The following BRWD1 variants were observed in gnomAD, a reference collection of about 807,000 sequenced individuals.
The protein encoded by BRWD1 is bromodomain and WD repeat domain containing 1, also known as bromodomain and WD repeat-containing protein 1.
In BRWD1, 82 loss-of-function variants were observed where a neutral mutation model predicts 251.2. The ratio of observed to expected loss-of-function variants is 0.33; its 90% CI spans 0.27 to 0.39. BRWD1 has a LOEUF of 0.39. Ranked by LOEUF, BRWD1 falls within the 10% of genes least tolerant of loss-of-function variation. The probability of loss-of-function intolerance (pLI) is 1.00; values close to 1 mark genes in which losing one functional copy is unlikely to be tolerated. For missense variants in BRWD1, 2,233 were observed against 2,711.6 expected (o/e 0.82, Z 3.92); for synonymous variants, 918 against 902.8 (o/e 1.02, Z -0.30).
At chr21:39,245,644 G>C (rs972730187) in intron 21 of BRWD1, among the ~76,000 whole-genome samples, 13 of 149,800 alleles carry the variant, frequency 8.7e-5, no homozygotes, top group Admixed American at 1.3e-4. Context: ...CTGATGCTCA[G>C]GCTGGAGTGC....
chr21:39,220,620 G>A (rs1274112923), intron 29 of BRWD1, among the ~76,000 whole-genome samples: 1 of 152,144 alleles, frequency 6.6e-6, no homozygotes, highest in Non-Finnish European at 1.5e-5. Context: ...TACCCATAAT[G>A]AAGAGATTTA....
chr21:39,262,945 A>G (rs2034803083), intron 17 of BRWD1, among the ~76,000 whole-genome samples: 1 of 151,638 alleles, frequency 6.6e-6, no homozygotes, highest in Non-Finnish European at 1.5e-5. Context: ...GCAAAACCCC[A>G]TCTCTACTAA....
intron 4 of BRWD1, among the ~76,000 whole-genome samples, chr21:39,302,154 T>C (rs1004146642): frequency 6.6e-6 from 1 of 151,836 alleles, no homozygotes; most frequent in Non-Finnish European, 1.5e-5. Context: ...CAGCTAATTT[T>C]TGTATTTTTA....
chr21:39,217,770 G>C (rs1052601636), intron 31 of BRWD1, among the ~76,000 whole-genome samples: 2 of 152,100 alleles, frequency 1.3e-5, no homozygotes, highest in African/African-American at 4.8e-5. Context: ...TACCTGATTA[G>C]AAAAACAAAC....
chr21:39,244,931 TATATATATATATATGC>T (rs1297826771), intron 21 of BRWD1, among the ~76,000 whole-genome samples: 2 of 143,008 alleles, frequency 1.4e-5, no homozygotes, highest in Non-Finnish European at 3.1e-5. Flanking sequence ...AATATATATA[TATATATATATATATGC>T]AGAAAAAGAA....
upstream of BRWD1, among the ~76,000 whole-genome samples, chr21:39,316,855 T>C (rs1393732985): frequency 8.8e-5 from 12 of 136,392 alleles, no homozygotes; most frequent in Admixed American, 8.6e-4. Flanking sequence ...TGAGAATGGC[T>C]AGAGCCGGGG....
chr21:39,264,427 TTAAAA>T, intron 17 of BRWD1, 28 bp downstream of exon 17: 3 of 1,016,988 alleles, frequency 2.9e-6, no homozygotes, highest in Non-Finnish European at 2.7e-6. Flanking sequence ...AAGTACAACT[TTAAAA>T]AAAAAAAAAA....
At position 39,212,703 on chromosome 21, in the gene BRWD1, T is replaced by C. The variant is rs145526004; in HGVS notation, c.3863A>G (p.Asp1288Gly). ...NDEQNAEDLDDSDLPKTSSGR... is the reference protein window; with the variant it reads ...NDEQNAEDLDGSDLPKTSSGR... ...AGAAGATGTTTTAGGAAGATCACTA[T>C]CATCCTAGGAATAAAATCAGAGCAC... is the stretch of plus-strand genomic sequence containing the variant. The change falls in exon 34 of 41, where the codon GAT becomes GGT. Residue 1288 changes from aspartate to glycine, a missense_variant. Around this residue, in one of 12 missense-constraint regions of BRWD1, gnomAD observed 167 missense variants for 183.2 expected, o/e 0.91. Coordinates refer to ENST00000342449, the MANE Select transcript of BRWD1 (RefSeq NM_033656.4). The C allele has an allele frequency of 5.7e-6, 9 of 1,573,268 alleles. No homozygotes were observed. In the African/African-American group the frequency reaches 1.2e-4, roughly 21 times the overall value.
chr21:39,187,114 T>A lies in BRWD1; in HGVS notation c.*9145A>T, dbSNP rs779612840. On this transcript the variant is annotated 3_prime_UTR_variant, in exon 41 of 41. Transcript: ENST00000342449. ...TTCTAGCTCTTTTTCACTTTCAGAA[T>A]TTATGGTTGTATCATCCTCTTTATA... 6.2e-7 allele frequency: 1 copy of A among 1,609,604 alleles called. No homozygotes were observed. Among genetic ancestry groups the A allele is most frequent in the Non-Finnish European group, 8.5e-7 (1 of 1,178,932 alleles).
chr21:39,277,313 T>C lies in BRWD1; in HGVS notation c.1042A>G (p.Ile348Val), dbSNP rs369837855. Residue 348 changes from isoleucine (I) to valine (V), a missense_variant, in exon 11 of 41, where the codon ATC becomes GTC. Around this residue, in one of 12 missense-constraint regions of BRWD1, gnomAD observed 315 missense variants for 421.8 expected, o/e 0.75. Transcript: ENST00000342449. The stretch of plus-strand genomic sequence containing the variant: ...TCAAAACCCAAAAAATACATTCTGA[T>C]TACATGATCAGTACTACCTGTGGCT... ...FLATGSTDHV[I>V]RMYFLGFEAP... 1.9e-6 allele frequency: 3 copies of C among 1,611,488 alleles called. No individual in the cohort carries two copies. The highest frequency in any genetic ancestry group is 2.5e-6 in the Non-Finnish European group (3 of 1,178,738).
chr21:39,291,240 C>A (rs568120133), intron 8 of BRWD1, among the ~76,000 whole-genome samples: 1 of 152,330 alleles, frequency 6.6e-6, no homozygotes, highest in Non-Finnish European at 1.5e-5. Flanking sequence ...CACACCAAAT[C>A]TATTTAAGTG....
intron 17 of BRWD1, among the ~76,000 whole-genome samples, chr21:39,261,115 C>T (rs2034729222): frequency 6.6e-6 from 1 of 152,068 alleles, no homozygotes. Context: ...CTCCCAGCTA[C>T]GTGGGAAGCT....
chr21:39,315,185 A>G (rs940307537), upstream of BRWD1, among the ~76,000 whole-genome samples: 5 of 152,030 alleles, frequency 3.3e-5, no homozygotes, highest in African/African-American at 1.2e-4. Flanking sequence ...TTATATTTTT[A>G]GTAGGGACGG....
chr21:39,314,224 T>C (rs2036639639), upstream of BRWD1: 3 of 455,412 alleles, frequency 6.6e-6, no homozygotes, highest in Non-Finnish European at 4.4e-6. Context: ...CCCGCGCTCC[T>C]GGGGCGGGGG....
Position 39,313,617 on chromosome 21 carries a change from A to C in BRWD1, c.-126T>G. ...CCGCCGCCGCCGCCGCCGCCGCCAT[A>C]CCGTGCGCGCCGCCTGGACCGACGC... On this transcript the variant is annotated 5_prime_UTR_variant, in exon 1 of 41. Coordinates refer to ENST00000342449, the MANE Select transcript of BRWD1 (RefSeq NM_033656.4). 1 of 717,858 alleles carries C rather than the reference A, an allele frequency of 1.4e-6. No individual in the cohort carries two copies. Among genetic ancestry groups the C allele is most frequent in the Non-Finnish European group, 1.9e-6 (1 of 526,532 alleles). 44.5% of individuals were successfully genotyped at this position (717,858 alleles called of 1,614,324 possible). A position where few individuals can be genotyped will look rare whatever the true frequency, so the allele number is the denominator to read the frequency against.
intron 20 of BRWD1, among the ~76,000 whole-genome samples, chr21:39,248,059 CTA>C (rs1458862037): frequency 2.6e-5 from 4 of 152,086 alleles, no homozygotes; most frequent in African/African-American, 9.7e-5. Flanking sequence ...ATTTTCCAAA[CTA>C]TGCTGTAAGT....
intron 4 of BRWD1, 42 bp from the exon 5 acceptor site, chr21:39,298,624 T>C: frequency 6.8e-7 from 1 of 1,475,586 alleles, no homozygotes; most frequent in South Asian, 1.4e-5. Context: ...CTTAATAATA[T>C]CAAAAACTAT....
chr21:39,209,750 C>A, intron 36 of BRWD1: 1 of 324,882 alleles, frequency 3.1e-6, no homozygotes, highest in Non-Finnish European at 5.6e-6. Flanking sequence ...TCCCATTAAT[C>A]CCCACTTGCT....
intron 8 of BRWD1, among the ~76,000 whole-genome samples, chr21:39,287,434 A>C (rs1395540580): frequency 6.6e-6 from 1 of 152,238 alleles, no homozygotes; most frequent in African/African-American, 2.4e-5. Context: ...AATAATAAGT[A>C]GGTAGAGAAA....
Sources: gnomAD v4.1 joint callset for allele counts (sites outside exome capture counted in the v4.1 genomes callset) on GRCh38, gnomAD v4.1.1 for gene constraint, gnomAD v4.1.1 regional missense constraint, MANE v1.5 for transcripts, NCBI Gene and HGNC (gene_info 2026-07-23, HGNC 2026-07-21) for gene names.